The following NALF1 variants were observed in gnomAD, a reference collection of about 807,000 sequenced individuals.
The protein encoded by NALF1 is NALCN channel auxiliary factor 1, also known as family with sequence similarity 155 member A.
Under a neutral mutation model 48.4 loss-of-function variants are expected in NALF1, and 3 were observed. The observed-to-expected ratio is 0.06, with a 90% CI of 0.03 to 0.16. The LOEUF is 0.16. Among genes scored for constraint, NALF1 ranks in the 10% least tolerant of loss-of-function variants. The pLI, the probability that NALF1 is intolerant of heterozygous loss-of-function variation, is 1.00. For synonymous variants in NALF1, 262 were observed against 245.7 expected (o/e 1.07, Z -0.62); for missense variants, 526 against 571.5 (o/e 0.92, Z 0.81).
intron 1 of NALF1, among the ~76,000 whole-genome samples, chr13:107,751,016 A>G (rs1876922757): frequency 6.6e-6 from 1 of 152,256 alleles, no homozygotes; most frequent in African/African-American, 2.4e-5. Flanking sequence ...AAAACAGGCC[A>G]GAAATTGATT....
At chr13:107,812,360 A>G (rs1177134780) in intron 1 of NALF1, among the ~76,000 whole-genome samples, 1 of 152,124 alleles carries the variant, frequency 6.6e-6, no homozygotes, top group African/African-American at 2.4e-5. Flanking sequence ...ATACCACTAT[A>G]ATATTCTAAA....
intron 1 of NALF1, among the ~76,000 whole-genome samples, chr13:107,625,337 C>T (rs1209772415): frequency 2.6e-5 from 4 of 152,052 alleles, no homozygotes; most frequent in Admixed American, 1.3e-4. Context: ...GACTTTCTTG[C>T]GTTTAGCAGA....
At chr13:107,746,818 G>A (rs1431618041) in intron 1 of NALF1, among the ~76,000 whole-genome samples, 2 of 152,160 alleles carry the variant, frequency 1.3e-5, no homozygotes, top group Admixed American at 6.6e-5. Context: ...TCAAGAGATG[G>A]TGTTGGGAAA....
chr13:107,590,296 C>A (rs1208630106), intron 1 of NALF1, among the ~76,000 whole-genome samples: 1 of 151,898 alleles, frequency 6.6e-6, no homozygotes, highest in Non-Finnish European at 1.5e-5. Flanking sequence ...GAAATGAGTT[C>A]ATTAACTTCT....
rs141952572 is a variant in NALF1 at position 107,467,966 on chromosome 13, T to C, written c.916-257211A>G. Among the ~76,000 whole-genome samples, 264 of 149,728 alleles carry C rather than the reference T, an allele frequency of 1.8e-3. 9 individuals are homozygous for C. The East Asian group carries it at 0.049, about 28-fold the overall frequency. On this transcript the variant is annotated intron_variant, in intron 1 of 2. Transcript: ENST00000375915. ...GGGAGGCTGAGGCAGGAGAATGGCG[T>C]GAACCCGGGAGGCGGAGCTTGCAGT...
In NALF1 at chr13:107,168,499, A is replaced by G. The variant is rs180765988; in HGVS notation, c.*1998T>C. On this transcript the variant is annotated 3_prime_UTR_variant, in exon 3 of 3. Coordinates refer to ENST00000375915, the MANE Select transcript of NALF1 (RefSeq NM_001080396.3). ...TGTATTTGCATTTGCAGAAAAAAAA[A>G]TTTTAAAAAAGGAACAAAAACGGGA... 6.6e-6 allele frequency: 1 copy of G among 152,450 alleles called. No homozygotes were observed. Among genetic ancestry groups the G allele is most frequent in the Non-Finnish European group, 1.5e-5 (1 of 68,020 alleles). 9.4% of individuals were successfully genotyped at this position (152,450 alleles called of 1,614,324 possible).
At position 107,567,317 on chromosome 13, in the gene NALF1, C is replaced by T. The variant is rs9559063; in HGVS notation, c.915+298365G>A. Among the ~76,000 whole-genome samples the T allele has an allele frequency of 0.025, 3,784 of 152,146 alleles. 401 individuals carry two copies. In the East Asian group the frequency reaches 0.37, roughly 15 times the overall value. On this transcript the variant is annotated intron_variant, in intron 1 of 2. Transcript: ENST00000375915. ...GATAGCAAATTTTGACAATTTATGA[C>T]GATCTCATCTAATGTTAATATTATA...
chr13:107,761,364 CAAAAAAAAAGAA>C (rs1408508205), intron 1 of NALF1, among the ~76,000 whole-genome samples: 2 of 148,232 alleles, frequency 1.3e-5, no homozygotes, highest in African/African-American at 2.5e-5. Context: ...CTCAAAAAAA[CAAAAAAAAAGAA>C]AAAAAAAAGG....
chr13:107,616,957 T>C (rs1879397218), intron 1 of NALF1, among the ~76,000 whole-genome samples: 1 of 152,216 alleles, frequency 6.6e-6, no homozygotes, highest in African/African-American at 2.4e-5. Context: ...AATTTTTCCA[T>C]ATATAATATG....
intron 1 of NALF1, among the ~76,000 whole-genome samples, chr13:107,631,382 T>C (rs1879830637): frequency 6.6e-6 from 1 of 152,152 alleles, no homozygotes; most frequent in Admixed American, 6.6e-5. Context: ...ACTCTGAGAA[T>C]ATAAAACTAT....
chr13:107,267,015 C>A (rs946999069), intron 1 of NALF1, among the ~76,000 whole-genome samples: 1 of 152,156 alleles, frequency 6.6e-6, no homozygotes, highest in African/African-American at 2.4e-5. Context: ...ATGTTCTCAT[C>A]TGTTTTGTTT....
At chr13:107,666,924 G>A (rs1880873673) in intron 1 of NALF1, among the ~76,000 whole-genome samples, 1 of 152,078 alleles carries the variant, frequency 6.6e-6, no homozygotes, top group African/African-American at 2.4e-5. Flanking sequence ...ACTAGATCCT[G>A]TTCAGGTATG....
intron 1 of NALF1, among the ~76,000 whole-genome samples, chr13:107,434,610 G>A (rs900247851): frequency 2.0e-5 from 3 of 152,198 alleles, no homozygotes; most frequent in Admixed American, 1.3e-4. Flanking sequence ...TAAGTCATGG[G>A]AATAGAGCTA....
chr13:107,320,242 C>T (rs1332575218), intron 1 of NALF1, among the ~76,000 whole-genome samples: 1 of 152,056 alleles, frequency 6.6e-6, no homozygotes, highest in Admixed American at 6.6e-5. Context: ...TAAAATAAAT[C>T]TGAAAACTAT....
chr13:107,362,991 T>A lies in NALF1; in HGVS notation c.916-152236A>T, dbSNP rs571686704. On this transcript the variant is annotated intron_variant, in intron 1 of 2. Coordinates refer to ENST00000375915, the MANE Select transcript of NALF1 (RefSeq NM_001080396.3). The surrounding 1 kb of genome is among the most constrained non-coding windows in gnomAD (Gnocchi z 4.6). ...GCTTACCATATAATAATTGGGATCG[T>A]AAAGTGAAAAAAATAGATCTTAACC... Among the ~76,000 whole-genome samples the A allele has an allele frequency of 1.3e-5, 2 of 152,210 alleles. No homozygotes were observed. The highest frequency in any genetic ancestry group is 4.2e-4 in the South Asian group (2 of 4,812).
At chr13:107,371,255 C>T (rs1220605689) in intron 1 of NALF1, among the ~76,000 whole-genome samples, 1 of 152,008 alleles carries the variant, frequency 6.6e-6, no homozygotes, top group Non-Finnish European at 1.5e-5. Flanking sequence ...GGGACCAATA[C>T]AGACAACACA....
intron 1 of NALF1, among the ~76,000 whole-genome samples, chr13:107,847,859 A>G (rs72657291): frequency 0.026 from 4,032 of 152,350 alleles, 62 homozygotes; most frequent in Admixed American, 0.04. Context: ...TTAAGTCTCT[A>G]TATGTGTGAA....
intron 1 of NALF1, among the ~76,000 whole-genome samples, chr13:107,530,104 C>T (rs1876577864): frequency 6.6e-6 from 1 of 151,994 alleles, no homozygotes; most frequent in South Asian, 2.1e-4. Context: ...CCCTCAAATC[C>T]CCACCTGGGC....
intron 1 of NALF1, among the ~76,000 whole-genome samples, chr13:107,554,581 G>A (rs542193498): frequency 1.1e-4 from 17 of 152,148 alleles, no homozygotes; most frequent in African/African-American, 2.9e-4. Flanking sequence ...GAGAGAGAAC[G>A]GAAGCCCAGA....
Sources: allele counts gnomAD v4.1 joint callset (sites outside exome capture counted in the v4.1 genomes callset), GRCh38; gene constraint gnomAD v4.1.1; non-coding constraint Gnocchi (gnomAD v3.1); transcripts MANE v1.5; gene names NCBI Gene and HGNC (gene_info 2026-07-23, HGNC 2026-07-21).